The following GNAI3 variants were observed in gnomAD, a reference collection of about 807,000 sequenced individuals.
The protein encoded by GNAI3 is G protein subunit alpha i3, also known as guanine nucleotide-binding protein G(i) subunit alpha-3.
A neutral mutation model predicts 41.8 loss-of-function variants in GNAI3; 12 were observed. The ratio of observed to expected loss-of-function variants is 0.29; its 90% confidence interval spans 0.18 to 0.47. GNAI3 has a LOEUF of 0.47. GNAI3 is among the 20% of genes least tolerant of loss of function. GNAI3 has a pLI of 1.00. For synonymous variants in GNAI3, 132 were observed against 146.5 expected (o/e 0.90, Z 0.71); for missense variants, 360 against 429.6 (o/e 0.84, Z 1.43).
chr1:109,562,425 G>GTA (rs1483404687), intron 1 of GNAI3, among the ~76,000 whole-genome samples: 4 of 152,154 alleles, frequency 2.6e-5, no homozygotes, highest in African/African-American at 9.7e-5. Flanking sequence ...GGATACCAAG[G>GTA]TATGTGTGTG....
intron 1 of GNAI3, 134 bp downstream of exon 1, chr1:109,548,972 T>C (rs1571143674): frequency 1.8e-6 from 1 of 563,140 alleles, no homozygotes; most frequent in East Asian, 3.3e-5. Context: ...TGGGGCGGGG[T>C]GTTGGGGTTC....
At chr1:109,579,739 C>G (rs1201555528) in intron 4 of GNAI3, among the ~76,000 whole-genome samples, 5 of 152,164 alleles carry the variant, frequency 3.3e-5, no homozygotes, top group African/African-American at 1.2e-4. Flanking sequence ...TAGTGGTATT[C>G]CTTTTTATGC....
intron 1 of GNAI3, among the ~76,000 whole-genome samples, chr1:109,568,502 C>T (rs1428809462): frequency 2.6e-5 from 4 of 152,038 alleles, no homozygotes; most frequent in Non-Finnish European, 4.4e-5. Flanking sequence ...GCTGTGATTA[C>T]GCCACTACGC....
chr1:109,589,340 GT>G (rs1323253989), intron 7 of GNAI3, among the ~76,000 whole-genome samples: 22 of 152,320 alleles, frequency 1.4e-4, no homozygotes, highest in African/African-American at 5.3e-4. Flanking sequence ...AGCCTTTGGA[GT>G]TAACAGTTAG....
chr1:109,557,554 G>A (rs1444654875), intron 1 of GNAI3, among the ~76,000 whole-genome samples: 1 of 152,162 alleles, frequency 6.6e-6, no homozygotes, highest in African/African-American at 2.4e-5. Flanking sequence ...TTCAAGAATA[G>A]GTAAGAAATG....
At chr1:109,580,188 C>T (rs576716931) in intron 4 of GNAI3, among the ~76,000 whole-genome samples, 33 of 152,156 alleles carry the variant, frequency 2.2e-4, no homozygotes, top group African/African-American at 7.2e-4. Flanking sequence ...TTAGTAGAGA[C>T]GGGGTTTCAA....
chr1:109,548,654 GC>G lies in GNAI3; in HGVS notation c.-65del. The G allele has an allele frequency of 2.6e-6, 3 of 1,136,204 alleles. No homozygotes were observed. The highest frequency in any genetic ancestry group is 4.0e-6 in the Non-Finnish European group (3 of 756,368). 70.4% of individuals were successfully genotyped at this position (1,136,204 alleles called of 1,614,324 possible). On this transcript the variant is annotated 5_prime_UTR_variant, in exon 1 of 9. Coordinates refer to ENST00000369851, the MANE Select transcript of GNAI3 (RefSeq NM_006496.4). The stretch of plus-strand genomic sequence containing the variant: ...CCGCCCAGCAATAGACGGTGCCTCA[GC>G]CTGCCGAGCCGCAGTTTCCGTGGTG...
At chr1:109,582,893 A>G (rs1322818342) in intron 5 of GNAI3, among the ~76,000 whole-genome samples, 17 of 152,110 alleles carry the variant, frequency 1.1e-4, no homozygotes, top group Admixed American at 1.1e-3. Context: ...ACCAATTCAG[A>G]TATTGAATGT....
intron 1 of GNAI3, among the ~76,000 whole-genome samples, chr1:109,561,710 C>T (rs191039128): frequency 2.0e-3 from 306 of 152,108 alleles, no homozygotes; most frequent in Non-Finnish European, 3.4e-3. Flanking sequence ...AAGGAATAGC[C>T]AATTTTGTAA....
chr1:109,573,615 G>A, intron 1 of GNAI3, 122 bp from the exon 2 acceptor site: 2 of 727,480 alleles, frequency 2.7e-6, no homozygotes, highest in Admixed American at 2.4e-5. Context: ...AGACATGAAA[G>A]CCTCACCAAA....
rs1648829475 is a variant in GNAI3 at position 109,579,210 on chromosome 1, G to T, written c.310G>T (p.Ala104Ser). 3.1e-6 allele frequency: 5 copies of T among 1,611,366 alleles called. No individual in the cohort carries two copies. The highest frequency in any genetic ancestry group is 4.2e-6 in the Non-Finnish European group (5 of 1,178,506). The change falls in exon 4 of 9, where the codon GCC becomes TCC. Residue 104 changes from alanine (A) to serine (S), a missense_variant. Coordinates refer to ENST00000369851, the MANE Select transcript of GNAI3 (RefSeq NM_006496.4). ...TCTTAACTGCTTTCTTCAGGATGAT[G>T]CCCGGCAATTATTTGTTTTAGCTGG... is the stretch of plus-strand genomic sequence containing the variant. ...DFGEAARADDARQLFVLAGSA... is the reference protein window; with the variant it reads ...DFGEAARADDSRQLFVLAGSA...
At chr1:109,561,599 G>C (rs1648312536) in intron 1 of GNAI3, among the ~76,000 whole-genome samples, 1 of 152,118 alleles carries the variant, frequency 6.6e-6, no homozygotes, top group Non-Finnish European at 1.5e-5. Context: ...TATTAACTTA[G>C]TTTCTAGCCT....
At position 109,598,673 on chromosome 1, in the gene GNAI3, TCTTTG is replaced by T. The variant is rs1360471636; in HGVS notation, c.*6357_*6361del. On this transcript the variant is annotated 3_prime_UTR_variant, in exon 9 of 9. Coordinates refer to ENST00000369851, the MANE Select transcript of GNAI3 (RefSeq NM_006496.4). The stretch of plus-strand genomic sequence containing the variant: ...AAATTCGTGAAGCAGGGTGAAAAGG[TCTTTG>T]CTTTGTTTTACATTTAAATCCAGCT... 3 of 226,702 alleles carry T rather than the reference TCTTTG, an allele frequency of 1.3e-5. No individual in the cohort carries two copies. The highest frequency in any genetic ancestry group is 4.9e-5 in the Admixed American group (1 of 20,422). 14.0% of individuals were successfully genotyped at this position (226,702 alleles called of 1,614,324 possible).
intron 4 of GNAI3, 31 bp from the exon 5 acceptor site, chr1:109,582,406 C>G (rs780890897): frequency 1.3e-6 from 2 of 1,588,512 alleles, no homozygotes; most frequent in South Asian, 2.2e-5. Flanking sequence ...GTTGGCTTCA[C>G]CAAGTAAAAG....
At position 109,598,318 on chromosome 1, in the gene GNAI3, T is replaced by G. The variant is rs1649365297; in HGVS notation, c.*5996T>G. ...AATCTTACGAGGTTGGAGAGTTGTTTGGAATGCTGGGTTCTGGTCTTGTCT... is the reference window on the plus strand; with the variant it reads ...AATCTTACGAGGTTGGAGAGTTGTTGGGAATGCTGGGTTCTGGTCTTGTCT... On this transcript the variant is annotated 3_prime_UTR_variant, in exon 9 of 9. Coordinates refer to ENST00000369851, the MANE Select transcript of GNAI3 (RefSeq NM_006496.4). 6.6e-6 allele frequency: 1 copy of G among 152,356 alleles called. No homozygotes were observed. Among genetic ancestry groups the G allele is most frequent in the Non-Finnish European group, 1.5e-5 (1 of 68,144 alleles). The allele number at this position is 152,356 out of a possible 1,614,324, so 9.4% of individuals were successfully genotyped here.
At chr1:109,556,902 T>A (rs1375839838) in intron 1 of GNAI3, among the ~76,000 whole-genome samples, 1 of 152,216 alleles carries the variant, frequency 6.6e-6, no homozygotes, top group Non-Finnish European at 1.5e-5. Context: ...AAATACATTT[T>A]AAAAATCTCA....
intron 1 of GNAI3, among the ~76,000 whole-genome samples, chr1:109,561,866 AAGTT>A (rs1648321021): frequency 6.6e-6 from 1 of 152,176 alleles, no homozygotes; most frequent in South Asian, 2.1e-4. Flanking sequence ...GCTGGGATGA[AAGTT>A]AGATAGGAAC....
At chr1:109,591,757 C>A (rs1004132482) in intron 7 of GNAI3, 3 of 367,372 alleles carry the variant, frequency 8.2e-6, no homozygotes, top group Non-Finnish European at 1.5e-5. Flanking sequence ...TCCTTTTATA[C>A]TTTCTAGATT....
chr1:109,554,407 T>C (rs1005134345), intron 1 of GNAI3, among the ~76,000 whole-genome samples: 10 of 152,306 alleles, frequency 6.6e-5, no homozygotes, highest in Admixed American at 5.9e-4. Flanking sequence ...TTTTTTATTA[T>C]GGCCATTATT....
Sources: gnomAD v4.1 joint callset for allele counts (sites outside exome capture counted in the v4.1 genomes callset) on GRCh38, gnomAD v4.1.1 for gene constraint, MANE v1.5 for transcripts, NCBI Gene and HGNC (gene_info 2026-07-23, HGNC 2026-07-21) for gene names.